The following BNIP5 variants were observed in gnomAD, a reference collection of about 807,000 sequenced individuals.
BNIP5 encodes BCL2 interacting protein 5, also known as protein BNIP5.
BNIP5 carries 61 observed loss-of-function variants against 67.3 expected under a neutral mutation model. The observed-to-expected ratio is 0.91, with a 90% CI of 0.74 to 1.12. BNIP5 has a LOEUF of 1.12. BNIP5 is among the 50% of genes most tolerant of loss of function. The probability of loss-of-function intolerance (pLI) is 0.00; values close to 1 mark genes in which losing one functional copy is unlikely to be tolerated. For synonymous variants in BNIP5, 317 were observed against 319.0 expected, an observed-to-expected ratio of 0.99 and a Z score of 0.07; for missense variants, 826 against 816.3, an observed-to-expected ratio of 1.01 and a Z score of -0.14.
chr6:36,330,364 C>T lies in BNIP5; in HGVS notation c.327G>A (p.Arg109=), dbSNP rs1193736237. 1.9e-6 allele frequency: 3 copies of T among 1,614,216 alleles called. No homozygotes were observed. The South Asian group carries it at 3.3e-5, about 18-fold the overall frequency. The change falls in exon 2 of 12, where the codon AGG becomes AGA. Residue 109 remains arginine (R), a synonymous_variant. Transcript: ENST00000437635. ...WLKTMLNFFV[R]TGPEEPREKA... is the part of the protein sequence containing the mutation. ...TTTCTCTGGGCTCCTCAGGGCCCGT[C>T]CTCACGAAGAAGTTCAGCATGGTCT...
intron 11 of BNIP5, 101 bp downstream of exon 11, chr6:36,319,255 C>T: frequency 7.0e-7 from 1 of 1,436,302 alleles, no homozygotes; most frequent in Non-Finnish European, 9.6e-7. Context: ...CTGAACTGAG[C>T]AGGGGAGGGG....
intron 5 of BNIP5, 44 bp downstream of exon 5, chr6:36,326,466 G>A (rs1582129556): frequency 1.2e-6 from 2 of 1,610,130 alleles, no homozygotes; most frequent in Admixed American, 1.7e-5. Context: ...TCCAGAGCTG[G>A]AGGCAGCTGC....
intron 8 of BNIP5, 68 bp downstream of exon 8, chr6:36,323,225 G>T: frequency 1.2e-6 from 2 of 1,600,268 alleles, no homozygotes. Context: ...GTCAACGACA[G>T]ACAGGCCACA....
chr6:36,329,978 C>G (rs1424211043), intron 2 of BNIP5, 103 bp downstream of exon 2: 5 of 1,340,608 alleles, frequency 3.7e-6, no homozygotes, highest in Non-Finnish European at 5.0e-6. Flanking sequence ...GGTGCCGGCC[C>G]CTGACAGCTC....
rs1454649628 is a variant in BNIP5 at position 36,317,314 on chromosome 6, C to A, written c.*42G>T. On this transcript the variant is annotated 3_prime_UTR_variant, in exon 12 of 12. Coordinates refer to ENST00000437635, the MANE Select transcript of BNIP5 (RefSeq NM_001010903.5). Reference sequence around the variant, plus strand: ...GGGTCTCCTGGCTAAAGCTGCGAACCATTTGGCTAGTTCAAGGGAATTTGA... The same window carrying A: ...GGGTCTCCTGGCTAAAGCTGCGAACAATTTGGCTAGTTCAAGGGAATTTGA... The A allele has an allele frequency of 2.6e-6, 4 of 1,557,526 alleles. No homozygotes were observed. The highest frequency in any genetic ancestry group is 2.2e-5 in the South Asian group (2 of 89,918).
chr6:36,319,409 C>G lies in BNIP5; in HGVS notation c.1870G>C (p.Gly624Arg), dbSNP rs1771585292. The G allele has an allele frequency of 6.2e-7, 1 of 1,614,020 alleles. No homozygotes were observed. Among genetic ancestry groups the G allele is most frequent in the Non-Finnish European group, 8.5e-7 (1 of 1,180,026 alleles). The change falls in exon 11 of 12, where the codon GGC (glycine) becomes CGC (arginine). Residue 624 changes from glycine to arginine, a missense_variant. Gly to Arg is a moderately radical substitution (Grantham distance 125). Coordinates refer to ENST00000437635, the MANE Select transcript of BNIP5 (RefSeq NM_001010903.5). ...GTGCAATTGTAGTGGTCTCTTAGGC[C>G]CATGAGGATGCACATGGCATGGCTG... ...SNSHAMCILM[G>R]LRDHYNCTQF...
intron 4 of BNIP5, 54 bp downstream of exon 4, chr6:36,326,976 G>T: frequency 6.6e-7 from 1 of 1,518,856 alleles, no homozygotes; most frequent in Non-Finnish European, 9.1e-7. Context: ...CTTGGCAGAG[G>T]AGGAGGAGGA....
Position 36,327,395 on chromosome 6 carries a change from C to T in BNIP5, c.728-301G>A, listed in dbSNP as rs914374004. Among the ~76,000 whole-genome samples the T allele has an allele frequency of 2.0e-5, 3 of 152,212 alleles. No individual in the cohort carries two copies. The East Asian group carries it at 5.8e-4, about 29-fold the overall frequency. The stretch of plus-strand genomic sequence containing the variant: ...GAACGTCTACTTTGGGTTCAGTAAG[C>T]TGTGTGACCTTGAATAAGTTTCTTA... On this transcript the variant is annotated intron_variant, in intron 3 of 11. Coordinates refer to ENST00000437635, the MANE Select transcript of BNIP5 (RefSeq NM_001010903.5).
intron 9 of BNIP5, among the ~76,000 whole-genome samples, chr6:36,321,985 C>T (rs1771646501): frequency 6.6e-6 from 1 of 152,210 alleles, no homozygotes; most frequent in South Asian, 2.1e-4. Context: ...ATCCTTCTCC[C>T]ATTGGAGAGC....
At chr6:36,318,544 T>C (rs1245981665) in intron 11 of BNIP5, among the ~76,000 whole-genome samples, 1 of 147,464 alleles carries the variant, frequency 6.8e-6, no homozygotes, top group Non-Finnish European at 1.5e-5. Flanking sequence ...TCCATCTCTA[T>C]ACCAAAAAAA....
At chr6:36,327,897 G>T (rs1295789427) in intron 3 of BNIP5, among the ~76,000 whole-genome samples, 1 of 148,954 alleles carries the variant, frequency 6.7e-6, no homozygotes, top group Admixed American at 6.7e-5. Flanking sequence ...GGCTTTTGTC[G>T]CTTGACTCAG....
intron 10 of BNIP5, among the ~76,000 whole-genome samples, chr6:36,319,967 C>G (rs759172168): frequency 1.3e-5 from 2 of 152,208 alleles, no homozygotes; most frequent in Non-Finnish European, 2.9e-5. Context: ...TTAAGTTGCA[C>G]TTACTATGTG....
At chr6:36,329,838 A>C (rs1771844170) in intron 2 of BNIP5, among the ~76,000 whole-genome samples, 1 of 150,974 alleles carries the variant, frequency 6.6e-6, no homozygotes, top group Non-Finnish European at 1.5e-5. Flanking sequence ...GAAGAGAGAG[A>C]GAGAAAGAGA....
chr6:36,323,212 C>T, intron 8 of BNIP5, 81 bp downstream of exon 8: 1 of 1,575,492 alleles, frequency 6.3e-7, no homozygotes, highest in South Asian at 1.1e-5. Context: ...ACTATGCCAG[C>T]CTGTCAACGA....
In BNIP5 at chr6:36,319,544, C is replaced by G. The variant is rs1231589937; in HGVS notation, c.1735G>C (p.Val579Leu). 1.2e-6 allele frequency: 2 copies of G among 1,614,076 alleles called. No individual in the cohort carries two copies. Among genetic ancestry groups the G allele is most frequent in the Non-Finnish European group, 1.7e-6 (2 of 1,179,992 alleles). The stretch of plus-strand genomic sequence containing the variant: ...GCCACCTGGCTGCGCAGGGTGGCTA[C>G]CAGCTTGCTGAGGGAGGAGTCCGAG... ...EFSDSSLSKL[V>L]ATLRSQVAHS... Residue 579 changes from valine (V) to leucine (L), a missense_variant, in exon 11 of 12, where the codon GTA (valine) becomes CTA (leucine). Physicochemically the swap from Val to Leu is conservative, Grantham distance 32. Transcript: ENST00000437635.
intron 8 of BNIP5, among the ~76,000 whole-genome samples, chr6:36,322,841 T>C (rs1771666844): frequency 6.6e-6 from 1 of 152,192 alleles, no homozygotes; most frequent in Non-Finnish European, 1.5e-5. Context: ...TGTGTGAAAC[T>C]AGCAGGTAGT....
At chr6:36,321,015 A>G in intron 10 of BNIP5, 140 bp downstream of exon 10, 1 of 615,132 alleles carries the variant, frequency 1.6e-6, no homozygotes, top group Non-Finnish European at 2.9e-6. Flanking sequence ...ATTCTCTCTC[A>G]TTTTGGAAAA....
intron 5 of BNIP5, among the ~76,000 whole-genome samples, chr6:36,325,659 A>G (rs1211531692): frequency 6.6e-6 from 1 of 151,966 alleles, no homozygotes; most frequent in African/African-American, 2.4e-5. Context: ...TCCCTCCACC[A>G]TTTTGACTTG....
At chr6:36,322,558 G>A (rs2127364206) in intron 8 of BNIP5, 116 bp from the exon 9 acceptor site, 1 of 1,142,164 alleles carries the variant, frequency 8.8e-7, no homozygotes, top group South Asian at 1.5e-5. Flanking sequence ...TCCTCGGTGA[G>A]TTTCCTGCCC....
Sources: gnomAD v4.1 joint callset for allele counts (sites outside exome capture counted in the v4.1 genomes callset) on GRCh38, gnomAD v4.1.1 for gene constraint, MANE v1.5 for transcripts, NCBI Gene and HGNC (gene_info 2026-07-23, HGNC 2026-07-21) for gene names.